The following PDILT variants were observed in gnomAD, a reference collection of about 807,000 sequenced individuals.
PDILT encodes protein disulfide isomerase like, testis expressed.
A neutral mutation model predicts 53.7 loss-of-function variants in PDILT; 43 were observed. The ratio of observed to expected loss-of-function variants is 0.80; its 90% confidence interval spans 0.63 to 1.03. The LOEUF is 1.03. Ranked by LOEUF, PDILT falls within the 50% of genes least tolerant of loss-of-function variation. PDILT has a pLI of 0.00. For synonymous variants in PDILT, 282 were observed against 274.2 expected, an observed-to-expected ratio of 1.03 and a Z score of -0.28; for missense variants, 727 against 712.3, an observed-to-expected ratio of 1.02 and a Z score of -0.24.
At chr16:20,399,566 G>A (rs554626928) in intron 1 of PDILT, among the ~76,000 whole-genome samples, 6 of 152,202 alleles carry the variant, frequency 3.9e-5, no homozygotes, top group East Asian at 3.9e-4. Flanking sequence ...TGAAGCAAAC[G>A]CAGACCACTC....
chr16:20,362,509 G>C lies in PDILT; in HGVS notation c.1311C>G (p.His437Gln). The C allele has an allele frequency of 6.2e-6, 10 of 1,614,196 alleles. No homozygotes were observed. The highest frequency in any genetic ancestry group is 8.5e-6 in the Non-Finnish European group (10 of 1,180,034). Reference sequence around the variant, plus strand: ...CGATCTTGGCAATGATAATTGTGGAGTGGTTTTGATATTTTCTGCCCAATT... The same window carrying C: ...CGATCTTGGCAATGATAATTGTGGACTGGTTTTGATATTTTCTGCCCAATT... Reference protein sequence around the residue: ...LEELGRKYQNHSTIIIAKIDV... With the variant: ...LEELGRKYQNQSTIIIAKIDV... The change falls in exon 10 of 12, where the codon CAC becomes CAG. Residue 437 changes from histidine (H) to glutamine (Q), a missense_variant. Transcript: ENST00000302451.
At chr16:20,386,544 G>A (rs1214769189) in intron 2 of PDILT, among the ~76,000 whole-genome samples, 2 of 152,202 alleles carry the variant, frequency 1.3e-5, no homozygotes, top group Admixed American at 6.5e-5. Context: ...CAGCTGGCGA[G>A]GGCCCCGTTG....
chr16:20,374,897 C>T lies in PDILT; in HGVS notation c.606G>A (p.Thr202=), dbSNP rs750454993. ...YDVIKDFPEL[T]FGVITIGNVI... ...CATTGCCAATCGTTATGACTCCAAACGTTAGCTCTGGAAAGTCTTTGATCA... is the reference window on the plus strand; with the variant it reads ...CATTGCCAATCGTTATGACTCCAAATGTTAGCTCTGGAAAGTCTTTGATCA... The change falls in exon 5 of 12, where the codon ACG becomes ACA. Residue 202 remains threonine, a synonymous_variant. Transcript: ENST00000302451. The T allele has an allele frequency of 1.5e-5, 25 of 1,614,098 alleles. No homozygotes were observed. The highest frequency in any genetic ancestry group is 1.6e-4 in the Middle Eastern group (1 of 6,062).
chr16:20,367,042 T>C (rs1283977334), intron 8 of PDILT, among the ~76,000 whole-genome samples: 1 of 46,872 alleles, frequency 2.1e-5, no homozygotes, highest in Non-Finnish European at 4.7e-5. Context: ...TTTCTTTCTT[T>C]CTTTCTTTCT....
chr16:20,396,479 C>T (rs974432665), intron 2 of PDILT, among the ~76,000 whole-genome samples: 2 of 152,206 alleles, frequency 1.3e-5, no homozygotes, highest in African/African-American at 4.8e-5. Flanking sequence ...TTATCTATCA[C>T]TGGGCATTAC....
At chr16:20,362,219 T>A (rs981032061) in intron 10 of PDILT, among the ~76,000 whole-genome samples, 185 bp downstream of exon 10, 1 of 152,096 alleles carries the variant, frequency 6.6e-6, no homozygotes, top group African/African-American at 2.4e-5. Flanking sequence ...TGATAGTGAG[T>A]CTCAGGACTT....
intron 3 of PDILT, among the ~76,000 whole-genome samples, chr16:20,381,083 C>G (rs1271375170): frequency 3.9e-5 from 6 of 152,216 alleles, no homozygotes; most frequent in Admixed American, 6.5e-5. Context: ...GTGGCTGCAT[C>G]ATTAATAGAG....
intron 2 of PDILT, 109 bp from the exon 3 acceptor site, chr16:20,384,960 C>A (rs1020902297): frequency 1.0e-6 from 1 of 989,388 alleles, no homozygotes. Context: ...TTGTGCTCAG[C>A]GGTTAATGGC....
At chr16:20,383,870 T>A (rs1263273596) in intron 3 of PDILT, among the ~76,000 whole-genome samples, 2 of 152,212 alleles carry the variant, frequency 1.3e-5, no homozygotes, top group Non-Finnish European at 1.5e-5. Flanking sequence ...TTTCTAAAAG[T>A]TGGGACTACC....
chr16:20,376,555 T>C (rs183973191), intron 3 of PDILT, among the ~76,000 whole-genome samples: 1 of 152,172 alleles, frequency 6.6e-6, no homozygotes, highest in East Asian at 1.9e-4. Context: ...AACCTGAAGA[T>C]CAAATTTAGG....
In PDILT at chr16:20,399,300, T is replaced by TGCAGG; in HGVS notation, c.-1_1insCCTGC. ...AGCAGGGGCATCCAGAGTAGGTCCA[T>TGCAGG]GGCTGTCCTGCAGGGGCCGGAGAAG... On this transcript the variant is annotated 5_prime_UTR_variant, in exon 2 of 12. Transcript: ENST00000302451. 6.2e-7 allele frequency: 1 copy of TGCAGG among 1,613,818 alleles called. No individual in the cohort carries two copies. Among genetic ancestry groups the TGCAGG allele is most frequent in the Non-Finnish European group, 8.5e-7 (1 of 1,179,858 alleles).
At chr16:20,373,847 T>G (rs1397881713) in intron 5 of PDILT, among the ~76,000 whole-genome samples, 6 of 152,258 alleles carry the variant, frequency 3.9e-5, no homozygotes, top group African/African-American at 1.4e-4. Flanking sequence ...CTGAGCCTAC[T>G]CTGGCTTGGG....
chr16:20,359,539 A>C lies in PDILT; in HGVS notation c.1535T>G (p.Ile512Arg). Residue 512 changes from isoleucine (I) to arginine (R), a missense_variant, in exon 12 of 12, where the codon ATA (isoleucine) becomes AGA (arginine). Ile to Arg is a moderately conservative substitution (Grantham distance 97, BLOSUM62 -3). Coordinates refer to ENST00000302451, the MANE Select transcript of PDILT (RefSeq NM_174924.2). ...ELLSVEQNEV[I>R]EEEVLAEEKE... ...TTCCTCAGCTAGCACTTCCTCTTCT[A>C]TCACTTCATTTTGCTCAACAGACAA... 4 of 1,614,086 alleles carry C rather than the reference A, an allele frequency of 2.5e-6. No homozygotes were observed. Among genetic ancestry groups the C allele is most frequent in the Non-Finnish European group, 3.4e-6 (4 of 1,179,988 alleles).
intron 9 of PDILT, among the ~76,000 whole-genome samples, chr16:20,364,862 T>TG (rs1966167364): frequency 6.6e-6 from 1 of 152,202 alleles, no homozygotes; most frequent in Admixed American, 6.5e-5. Context: ...CCACCTCCTA[T>TG]GGGCCATTTG....
intron 1 of PDILT, 22 bp from the exon 2 acceptor site, chr16:20,399,329 C>G: frequency 5.0e-6 from 8 of 1,611,052 alleles, no homozygotes; most frequent in African/African-American, 1.3e-5. Context: ...GGAGAAGGAA[C>G]AGAGACCTTA....
intron 2 of PDILT, among the ~76,000 whole-genome samples, chr16:20,390,347 T>C (rs1007301916): frequency 3.3e-5 from 5 of 152,128 alleles, no homozygotes; most frequent in Admixed American, 6.5e-5. Context: ...ATGGGCACAA[T>C]CTCCCTCACC....
chr16:20,395,612 G>T (rs917350224), intron 2 of PDILT, among the ~76,000 whole-genome samples: 2 of 152,132 alleles, frequency 1.3e-5, no homozygotes, highest in African/African-American at 4.8e-5. Flanking sequence ...CTATAGTTTG[G>T]TTAGTTCGAC....
intron 2 of PDILT, among the ~76,000 whole-genome samples, chr16:20,387,429 A>G (rs1166742521): frequency 6.6e-6 from 1 of 152,152 alleles, no homozygotes; most frequent in East Asian, 1.9e-4. Context: ...GAGGTGGGGC[A>G]TGTGTGACAT....
chr16:20,396,176 A>G (rs2141621023), intron 2 of PDILT, among the ~76,000 whole-genome samples: 1 of 152,298 alleles, frequency 6.6e-6, no homozygotes, highest in South Asian at 2.1e-4. Context: ...AATCCCTATA[A>G]TGACTATACC....
Sources: gnomAD v4.1 joint callset for allele counts (sites outside exome capture counted in the v4.1 genomes callset) on GRCh38, gnomAD v4.1.1 for gene constraint, MANE v1.5 for transcripts, NCBI Gene and HGNC (gene_info 2026-07-23, HGNC 2026-07-21) for gene names.